B3GALNT2: variants seen among roughly 807,000 people sequenced by gnomAD.
The protein encoded by B3GALNT2 is beta-1,3-N-acetylgalactosaminyltransferase 2.
Under a neutral mutation model 61.1 loss-of-function variants are expected in B3GALNT2, and 53 were observed. That is an observed-to-expected ratio of 0.87 (90% CI 0.70 to 1.09). The LOEUF is 1.09. Ranked by LOEUF, B3GALNT2 falls within the 50% of genes least tolerant of loss-of-function variation. The probability of loss-of-function intolerance (pLI) is 0.00; values close to 1 mark genes in which losing one functional copy is unlikely to be tolerated. For missense variants in B3GALNT2, 544 were observed against 623.0 expected (o/e 0.87, Z 1.35); for synonymous variants, 223 against 237.4 (o/e 0.94, Z 0.56).
At chr1:235,500,788 G>A (rs947063132) in intron 1 of B3GALNT2, among the ~76,000 whole-genome samples, 6 of 152,206 alleles carry the variant, frequency 3.9e-5, no homozygotes, top group Admixed American at 3.3e-4. Context: ...AACAGGCACT[G>A]TTGCGGGTGT....
chr1:235,441,904 A>G, the B3GALNT2 span: 5 of 1,609,940 alleles, frequency 3.1e-6, no homozygotes, highest in Non-Finnish European at 3.4e-6. Flanking sequence ...AGATTCAAAT[A>G]GTTTATTTGT....
In B3GALNT2 at chr1:235,452,997, T is replaced by C. The variant is rs6702967; in HGVS notation, c.1368+93A>G. 0.1 allele frequency: 111,324 copies of C among 1,105,730 alleles called. 6,731 individuals carry two copies. The highest frequency in any genetic ancestry group is 0.23 in the African/African-American group (14,576 of 63,150). The allele number at this position is 1,105,730 out of a possible 1,614,324, so 68.5% of individuals were successfully genotyped here. ...AATCTGAAATCCTAAATACTTCTGGTCCCAGGCATTTTGGATAAAGAACAC... is the reference window on the plus strand; with the variant it reads ...AATCTGAAATCCTAAATACTTCTGGCCCCAGGCATTTTGGATAAAGAACAC... On this transcript the variant is annotated intron_variant, in intron 11 of 11. Transcript: ENST00000366600.
intron 1 of B3GALNT2, among the ~76,000 whole-genome samples, chr1:235,503,303 G>C (rs1572573043): frequency 1.3e-5 from 2 of 152,310 alleles, no homozygotes; most frequent in Middle Eastern, 6.8e-3. Context: ...AGCCCTTAAA[G>C]AAGAAGACAA....
intron 9 of B3GALNT2, 152 bp downstream of exon 9, chr1:235,455,407 G>A: frequency 1.2e-6 from 1 of 855,512 alleles, no homozygotes. Context: ...CAGCATGACT[G>A]ACCTAGAGTA....
chr1:235,455,137 A>G (rs12730228), intron 9 of B3GALNT2, among the ~76,000 whole-genome samples: 3 of 151,890 alleles, frequency 2.0e-5, no homozygotes, highest in African/African-American at 4.8e-5. Context: ...TATTATTATT[A>G]TTAAGACAGG....
At chr1:235,469,160 T>C (rs1222253735) in intron 6 of B3GALNT2, among the ~76,000 whole-genome samples, 2 of 152,212 alleles carry the variant, frequency 1.3e-5, no homozygotes, top group African/African-American at 4.8e-5. Context: ...TACCCTGCCA[T>C]TGTTTCTGCC....
chr1:235,449,457 A>G lies in B3GALNT2; in HGVS notation c.*749T>C, dbSNP rs1366326767. ...CCTTCCCGATGGCACTAAAACCCTGAGAGGTATTTGCTTTTATTCATACTC... is the reference window on the plus strand; with the variant it reads ...CCTTCCCGATGGCACTAAAACCCTGGGAGGTATTTGCTTTTATTCATACTC... On this transcript the variant is annotated 3_prime_UTR_variant, in exon 12 of 12. Transcript: ENST00000366600. 1 of 153,206 alleles carries G rather than the reference A, an allele frequency of 6.5e-6. No individual in the cohort carries two copies. The highest frequency in any genetic ancestry group is 1.9e-4 in the East Asian group (1 of 5,228). 9.5% of individuals were successfully genotyped at this position (153,206 alleles called of 1,614,324 possible).
chr1:235,493,081 A>T (rs1364546837), intron 2 of B3GALNT2, among the ~76,000 whole-genome samples: 2 of 152,212 alleles, frequency 1.3e-5, no homozygotes, highest in African/African-American at 4.8e-5. Context: ...TCAAAGGTAG[A>T]AGCAGTAAGT....
chr1:235,500,405 C>T lies in B3GALNT2; in HGVS notation c.112+3736G>A, dbSNP rs187879086. ...CTGAGGCAGGAGAATGGCTTCAACCCGGAGGCAGAGGTTGCAGTTAGTCAA... is the reference window on the plus strand; with the variant it reads ...CTGAGGCAGGAGAATGGCTTCAACCTGGAGGCAGAGGTTGCAGTTAGTCAA... On this transcript the variant is annotated intron_variant, in intron 1 of 11. Transcript: ENST00000366600. Among the ~76,000 whole-genome samples the T allele has an allele frequency of 3.3e-3, 495 of 152,198 alleles. 2 individuals are homozygous for T. The highest frequency in any genetic ancestry group is 0.012 in the African/African-American group (484 of 41,514).
downstream of B3GALNT2, chr1:235,442,734 A>T (rs575097863): frequency 3.3e-6 from 3 of 907,652 alleles, no homozygotes; most frequent in South Asian, 2.9e-5. Flanking sequence ...AACATTGATT[A>T]GACCTGCCAA....
intron 3 of B3GALNT2, among the ~76,000 whole-genome samples, chr1:235,488,875 G>A (rs368110460): frequency 3.8e-4 from 57 of 151,894 alleles, no homozygotes; most frequent in African/African-American, 1.2e-3. Context: ...ACAAGACAGC[G>A]AGACCTCAAC....
chr1:235,504,438 G>A lies in B3GALNT2; in HGVS notation c.-186C>T. On this transcript the variant is annotated 5_prime_UTR_variant, in exon 1 of 12. Transcript: ENST00000366600. ...CCGCTCCTCCGGTCCCTCAGACCGC[G>A]GGTGGCCGCGGCTTAGCCGGCCGAA... is the stretch of plus-strand genomic sequence containing the variant. The A allele has an allele frequency of 1.8e-6, 1 of 568,002 alleles. No homozygotes were observed. Among genetic ancestry groups the A allele is most frequent in the Non-Finnish European group, 2.8e-6 (1 of 361,354 alleles). 35.2% of individuals were successfully genotyped at this position (568,002 alleles called of 1,614,324 possible). A position where few individuals can be genotyped will look rare whatever the true frequency, so the allele number is the denominator to read the frequency against.
intron 3 of B3GALNT2, among the ~76,000 whole-genome samples, chr1:235,488,515 C>T (rs1684908551): frequency 6.6e-6 from 1 of 151,566 alleles, no homozygotes; most frequent in African/African-American, 2.4e-5. Flanking sequence ...AACCCCATCT[C>T]TACTAAAAAT....
intron 5 of B3GALNT2, among the ~76,000 whole-genome samples, chr1:235,471,870 C>T (rs1489829732): frequency 6.6e-6 from 1 of 152,082 alleles, no homozygotes; most frequent in East Asian, 1.9e-4. Context: ...GCCATGTTGG[C>T]CAGGCTGGTC....
intron 1 of B3GALNT2, among the ~76,000 whole-genome samples, chr1:235,503,853 T>C (rs1338170394): frequency 2.6e-5 from 4 of 152,088 alleles, no homozygotes; most frequent in Non-Finnish European, 5.9e-5. Flanking sequence ...CGGACATCAC[T>C]AACCAGGCCT....
intron 7 of B3GALNT2, among the ~76,000 whole-genome samples, chr1:235,459,695 A>G (rs1305048949): frequency 1.3e-5 from 2 of 152,216 alleles, no homozygotes; most frequent in Non-Finnish European, 2.9e-5. Flanking sequence ...AAGGGTACAC[A>G]TGAATTTTAG....
chr1:235,483,503 C>A (rs1258344598), intron 4 of B3GALNT2, among the ~76,000 whole-genome samples: 1 of 152,042 alleles, frequency 6.6e-6, no homozygotes, highest in Non-Finnish European at 1.5e-5. Flanking sequence ...CTTTGGGAGG[C>A]TACTTGGGAG....
In B3GALNT2 at chr1:235,494,818, G is replaced by T; in HGVS notation, c.123C>A (p.Ala41=). 1 of 1,606,198 alleles carries T rather than the reference G, an allele frequency of 6.2e-7. No homozygotes were observed. The highest frequency in any genetic ancestry group is 8.5e-7 in the Non-Finnish European group (1 of 1,174,010). Residue 41 remains alanine, a synonymous_variant, in exon 2 of 12, where the codon GCC becomes GCA. Coordinates refer to ENST00000366600, the MANE Select transcript of B3GALNT2 (RefSeq NM_152490.5). ...ASGAGPADQL[A]LFPQWKSTHY... Reference sequence around the variant, plus strand: ...GAGTAGATTTCCACTGAGGAAATAAGGCCAACTGATCTAGAAATAAGAACA... The same window carrying T: ...GAGTAGATTTCCACTGAGGAAATAATGCCAACTGATCTAGAAATAAGAACA...
Position 235,455,651 on chromosome 1 carries a change from C to T in B3GALNT2, c.1059G>A (p.Leu353=), listed in dbSNP as rs1683131306. 6.2e-7 allele frequency: 1 copy of T among 1,606,720 alleles called. No individual in the cohort carries two copies. Among genetic ancestry groups the T allele is most frequent in the Non-Finnish European group, 8.5e-7 (1 of 1,173,422 alleles). Residue 353 remains leucine (L), a synonymous_variant, in exon 9 of 12, where the codon CTG becomes CTA. Transcript: ENST00000366600. ...CTATGTAACAGTCATCATCTGTCTT[C>T]AGCAACAAATTGAAGCTCGTTGTTT... ...TVETTSFNLL[L]KTDDDCYIDL... is the part of the protein sequence containing the mutation.
Sources: allele counts gnomAD v4.1 joint callset (sites outside exome capture counted in the v4.1 genomes callset), GRCh38; gene constraint gnomAD v4.1.1; transcripts MANE v1.5; gene names NCBI Gene and HGNC (gene_info 2026-07-23, HGNC 2026-07-21).